Variants in GPBAR1 observed in about 807,000 individuals in gnomAD.
The protein encoded by GPBAR1 is G protein-coupled bile acid receptor 1, also known as G-protein coupled bile acid receptor 1.
In GPBAR1, 13 loss-of-function variants were observed where a neutral mutation model predicts 13.0. The observed-to-expected ratio is 1.00, with a 90% CI of 0.65 to 1.59. GPBAR1 has a LOEUF of 1.59. GPBAR1 is among the 40% of genes most tolerant of loss of function. GPBAR1 has a pLI of 0.00. For missense variants in GPBAR1, 398 were observed against 436.4 expected (o/e 0.91, Z 0.78); for synonymous variants, 193 against 205.2 (o/e 0.94, Z 0.51).
Position 218,263,509 on chromosome 2 carries a change from T to C in GPBAR1, c.785T>C (p.Leu262Pro), listed in dbSNP as rs1308734741. 3 of 1,611,286 alleles carry C rather than the reference T, an allele frequency of 1.9e-6. No homozygotes were observed. The highest frequency in any genetic ancestry group is 1.7e-6 in the Non-Finnish European group (2 of 1,179,096). Residue 262 changes from leucine (L) to proline (P), a missense_variant, in exon 2 of 2, where the codon CTG (leucine) becomes CCG (proline). Coordinates refer to ENST00000519574, the MANE Select transcript of GPBAR1 (RefSeq NM_170699.3). This position sits in a 1 kb window ranked among gnomAD's most constrained non-coding sequence, Gnocchi z 4.2. ...EQRPPLGPGT[L>P]LSLLSLGSAS... Reference sequence around the variant, plus strand: ...CGCCCGCCACTGGGGCCTGGGACACTGTTGTCCCTCCTCTCCCTAGGAAGT... The same window carrying C: ...CGCCCGCCACTGGGGCCTGGGACACCGTTGTCCCTCCTCTCCCTAGGAAGT...
At position 218,262,707 on chromosome 2, in the gene GPBAR1, C is replaced by G. The variant is rs1559489129; in HGVS notation, c.-18C>G. On this transcript the variant is annotated 5_prime_UTR_variant, in exon 2 of 2. Transcript: ENST00000519574. The surrounding 1 kb of genome is among the most constrained non-coding windows in gnomAD (Gnocchi z 5.1). Reference sequence around the variant, plus strand: ...ATGCCGGCTGCCGCTCCAGGACTCCCCTGTCCCCAGGACCAAGATGACGCC... The same window carrying G: ...ATGCCGGCTGCCGCTCCAGGACTCCGCTGTCCCCAGGACCAAGATGACGCC... The G allele has an allele frequency of 5.1e-6, 8 of 1,556,044 alleles. No homozygotes were observed. In the South Asian group the frequency reaches 9.6e-5, roughly 19 times the overall value.
At position 218,262,412 on chromosome 2, in the gene GPBAR1, T is replaced by G. The variant is rs1574604668; in HGVS notation, c.-45-268T>G. On this transcript the variant is annotated intron_variant, in intron 1 of 1. Transcript: ENST00000519574. This position sits in a 1 kb window ranked among gnomAD's most constrained non-coding sequence, Gnocchi z 5.1. Reference sequence around the variant, plus strand: ...CCAGAAATGGATAAAGCTGGCTGGGTGGGGACTGTCCGAAGGGCAGCCAGC... The same window carrying G: ...CCAGAAATGGATAAAGCTGGCTGGGGGGGGACTGTCCGAAGGGCAGCCAGC... 1 of 346,090 alleles carries G rather than the reference T, an allele frequency of 2.9e-6. No homozygotes were observed. Among genetic ancestry groups the G allele is most frequent in the South Asian group, 5.8e-5 (1 of 17,298 alleles). 21.4% of individuals were successfully genotyped at this position (346,090 alleles called of 1,614,324 possible).
At position 218,263,152 on chromosome 2, in the gene GPBAR1, C is replaced by T. The variant is rs1479738108; in HGVS notation, c.428C>T (p.Ala143Val). The T allele has an allele frequency of 1.2e-6, 2 of 1,611,624 alleles. No homozygotes were observed. The highest frequency in any genetic ancestry group is 1.7e-6 in the Non-Finnish European group (2 of 1,179,880). ...AGPLLFASLP[A>V]LGWNHWTPGA... ...CCCCTGCTCTTTGCCAGTCTGCCCG[C>T]TCTGGGGTGGAACCACTGGACCCCT... The change falls in exon 2 of 2, where the codon GCT becomes GTT. Residue 143 changes from alanine to valine, a missense_variant. Coordinates refer to ENST00000519574, the MANE Select transcript of GPBAR1 (RefSeq NM_170699.3). This position sits in a 1 kb window ranked among gnomAD's most constrained non-coding sequence, Gnocchi z 4.2.
rs1690404309 is a variant in GPBAR1 at position 218,261,200 on chromosome 2, C to T, written c.-62C>T. 6.6e-6 allele frequency: 1 copy of T among 152,470 alleles called. No individual in the cohort carries two copies. Among genetic ancestry groups the T allele is most frequent in the South Asian group, 2.1e-4 (1 of 4,840 alleles). The allele number at this position is 152,470 out of a possible 1,614,324, so 9.4% of individuals were successfully genotyped here. On this transcript the variant is annotated 5_prime_UTR_variant, in exon 1 of 2. Coordinates refer to ENST00000519574, the MANE Select transcript of GPBAR1 (RefSeq NM_170699.3). ...AAGGCCCAGGCTGGGCAGGCAATAC[C>T]TGCTCCCAACAGCCATGTGAGTAGC... is the stretch of plus-strand genomic sequence containing the variant.
In GPBAR1 at chr2:218,262,797, G is replaced by A. The variant is rs1559489311; in HGVS notation, c.73G>A (p.Ala25Thr). ...KGALGLSLAL[A>T]SLIITANLLL... ...GGCTTTGGGGCTCTCCCTGGCCCTG[G>A]CAAGCCTCATCATCACCGCGAACCT... Residue 25 changes from alanine to threonine, a missense_variant, in exon 2 of 2, where the codon GCA becomes ACA. Transcript: ENST00000519574. The surrounding 1 kb of genome is among the most constrained non-coding windows in gnomAD (Gnocchi z 5.1). The A allele has an allele frequency of 6.2e-7, 1 of 1,612,596 alleles. No individual in the cohort carries two copies. Among genetic ancestry groups the A allele is most frequent in the Non-Finnish European group, 8.5e-7 (1 of 1,179,404 alleles).
At position 218,262,468 on chromosome 2, in the gene GPBAR1, G is replaced by T. The variant is rs985635693; in HGVS notation, c.-45-212G>T. Reference sequence around the variant, plus strand: ...GCTCCGGCTGGTTGCTACCACACAGGACATATGTGTTGCCAGACCTGAATT... The same window carrying T: ...GCTCCGGCTGGTTGCTACCACACAGTACATATGTGTTGCCAGACCTGAATT... On this transcript the variant is annotated intron_variant, in intron 1 of 1. Transcript: ENST00000519574. This position sits in a 1 kb window ranked among gnomAD's most constrained non-coding sequence, Gnocchi z 5.1. The T allele has an allele frequency of 6.9e-5, 37 of 536,836 alleles. No individual in the cohort carries two copies. The highest frequency in any genetic ancestry group is 1.1e-4 in the Non-Finnish European group (32 of 302,368). The allele number at this position is 536,836 out of a possible 1,614,324, so 33.3% of individuals were successfully genotyped here. A position where few individuals can be genotyped will look rare whatever the true frequency, so the allele number is the denominator to read the frequency against.
chr2:218,263,595 T>C lies in GPBAR1; in HGVS notation c.871T>C (p.Trp291Arg). 3 of 1,612,790 alleles carry C rather than the reference T, an allele frequency of 1.9e-6. No homozygotes were observed. Among genetic ancestry groups the C allele is most frequent in the Non-Finnish European group, 2.5e-6 (3 of 1,179,842 alleles). Reference sequence around the variant, plus strand: ...GGGCGATCAGCGCTACACAGCCCCCTGGAGGGCAGCCGCCCAAAGGTGCCT... The same window carrying C: ...GGGCGATCAGCGCTACACAGCCCCCCGGAGGGCAGCCGCCCAAAGGTGCCT... ...GLGDQRYTAP[W>R]RAAAQRCLQG... Residue 291 changes from tryptophan to arginine, a missense_variant, in exon 2 of 2, where the codon TGG becomes CGG. By Grantham distance (101) the Trp-to-Arg change is moderately radical. Transcript: ENST00000519574. This position sits in a 1 kb window ranked among gnomAD's most constrained non-coding sequence, Gnocchi z 4.2.
chr2:218,262,447 C>G lies in GPBAR1; in HGVS notation c.-45-233C>G. ...CCGAAGGGCAGCCAGCAGTGAGCTC[C>G]GGCTGGTTGCTACCACACAGGACAT... On this transcript the variant is annotated intron_variant, in intron 1 of 1. Coordinates refer to ENST00000519574, the MANE Select transcript of GPBAR1 (RefSeq NM_170699.3). The surrounding 1 kb of genome is among the most constrained non-coding windows in gnomAD (Gnocchi z 5.1). 1 of 441,076 alleles carries G rather than the reference C, an allele frequency of 2.3e-6. No individual in the cohort carries two copies. The highest frequency in any genetic ancestry group is 4.0e-6 in the Non-Finnish European group (1 of 247,536). 27.3% of individuals were successfully genotyped at this position (441,076 alleles called of 1,614,324 possible).
In GPBAR1 at chr2:218,263,117, C is replaced by T. The variant is rs1039057957; in HGVS notation, c.393C>T (p.Thr131=). 6.2e-7 allele frequency: 1 copy of T among 1,612,792 alleles called. No individual in the cohort carries two copies. Among genetic ancestry groups the T allele is most frequent in the Admixed American group, 1.7e-5 (1 of 60,028 alleles). Residue 131 remains threonine (T), a synonymous_variant, in exon 2 of 2, where the codon ACC becomes ACT. Transcript: ENST00000519574. This position sits in a 1 kb window ranked among gnomAD's most constrained non-coding sequence, Gnocchi z 4.2. ...PGSIRLALLL[T]WAGPLLFASL... is the part of the protein sequence containing the mutation. ...GCATTCGGCTGGCCCTGCTCCTCAC[C>T]TGGGCTGGTCCCCTGCTCTTTGCCA... is the stretch of plus-strand genomic sequence containing the variant.
Position 218,263,306 on chromosome 2 carries a change from C to G in GPBAR1, c.582C>G (p.Arg194=). 2 of 1,605,928 alleles carry G rather than the reference C, an allele frequency of 1.2e-6. No homozygotes were observed. Among genetic ancestry groups the G allele is most frequent in the South Asian group, 1.1e-5 (1 of 90,960 alleles). ...TCCGCGTGCTGGCCACTGCCCACCG[C>G]CAGCTGCAGGACATCTGCCGGCTGG... is the stretch of plus-strand genomic sequence containing the variant. ...LSVRVLATAH[R]QLQDICRLER... Residue 194 remains arginine, a synonymous_variant, in exon 2 of 2, where the codon CGC becomes CGG. Transcript: ENST00000519574. The surrounding 1 kb of genome is among the most constrained non-coding windows in gnomAD (Gnocchi z 4.2).
chr2:218,263,827 C>T lies in GPBAR1; in HGVS notation c.*110C>T. 7.8e-7 allele frequency: 1 copy of T among 1,278,666 alleles called. No individual in the cohort carries two copies. The highest frequency in any genetic ancestry group is 1.1e-6 in the Non-Finnish European group (1 of 883,518). The allele number at this position is 1,278,666 out of a possible 1,614,324, so 79.2% of individuals were successfully genotyped here. A position where few individuals can be genotyped will look rare whatever the true frequency, so the allele number is the denominator to read the frequency against. ...TCAGAGACCCTGCCTCTGTTTGACC[C>T]CGCACTGACTGAATAAAGCTCCTCT... On this transcript the variant is annotated 3_prime_UTR_variant, in exon 2 of 2. Coordinates refer to ENST00000519574, the MANE Select transcript of GPBAR1 (RefSeq NM_170699.3). The surrounding 1 kb of genome is among the most constrained non-coding windows in gnomAD (Gnocchi z 4.2).
At chr2:218,261,530 A>G (rs1214787481) in intron 1 of GPBAR1, among the ~76,000 whole-genome samples, 2 of 152,180 alleles carry the variant, frequency 1.3e-5, no homozygotes, top group Non-Finnish European at 1.5e-5. Context: ...AGAGAGGAAA[A>G]GACATCCTGG....
chr2:218,262,652 T>C lies in GPBAR1; in HGVS notation c.-45-28T>C. 1 of 1,444,610 alleles carries C rather than the reference T, an allele frequency of 6.9e-7. No individual in the cohort carries two copies. Among genetic ancestry groups the C allele is most frequent in the Non-Finnish European group, 9.1e-7 (1 of 1,095,546 alleles). 89.5% of individuals were successfully genotyped at this position (1,444,610 alleles called of 1,614,324 possible). ...CAGGAGGACACGACCTGCAGCCCCA[T>C]CCTAACTCTGGCCACCCCATCCTGC... On this transcript the variant is annotated intron_variant, in intron 1 of 1. Coordinates refer to ENST00000519574, the MANE Select transcript of GPBAR1 (RefSeq NM_170699.3). The surrounding 1 kb of genome is among the most constrained non-coding windows in gnomAD (Gnocchi z 5.1).
rs1318246886 is a variant in GPBAR1, at chr2:218,262,774, C to T, written c.50C>T (p.Ala17Val). 1.9e-6 allele frequency: 3 copies of T among 1,610,546 alleles called. No individual in the cohort carries two copies. The highest frequency in any genetic ancestry group is 4.5e-5 in the East Asian group (2 of 44,730). ...GEVPSPIPKG[A>V]LGLSLALASL... Reference sequence around the variant, plus strand: ...GTGCCCAGCCCCATTCCCAAGGGGGCTTTGGGGCTCTCCCTGGCCCTGGCA... The same window carrying T: ...GTGCCCAGCCCCATTCCCAAGGGGGTTTTGGGGCTCTCCCTGGCCCTGGCA... Residue 17 changes from alanine (A) to valine (V), a missense_variant, in exon 2 of 2, where the codon GCT (alanine) becomes GTT (valine). Coordinates refer to ENST00000519574, the MANE Select transcript of GPBAR1 (RefSeq NM_170699.3). This position sits in a 1 kb window ranked among gnomAD's most constrained non-coding sequence, Gnocchi z 5.1.
At chr2:218,261,815 C>T (rs958267952) in intron 1 of GPBAR1, among the ~76,000 whole-genome samples, 4 of 152,132 alleles carry the variant, frequency 2.6e-5, no homozygotes, top group African/African-American at 9.7e-5. Context: ...GACCCAGGAC[C>T]CCTCCCCCTG....
chr2:218,263,834 G>A lies in GPBAR1; in HGVS notation c.*117G>A. On this transcript the variant is annotated 3_prime_UTR_variant, in exon 2 of 2. Coordinates refer to ENST00000519574, the MANE Select transcript of GPBAR1 (RefSeq NM_170699.3). This position sits in a 1 kb window ranked among gnomAD's most constrained non-coding sequence, Gnocchi z 4.2. Reference sequence around the variant, plus strand: ...CCCTGCCTCTGTTTGACCCCGCACTGACTGAATAAAGCTCCTCTGGCCGTT... The same window carrying A: ...CCCTGCCTCTGTTTGACCCCGCACTAACTGAATAAAGCTCCTCTGGCCGTT... 8.2e-7 allele frequency: 1 copy of A among 1,225,128 alleles called. No individual in the cohort carries two copies. Among genetic ancestry groups the A allele is most frequent in the Non-Finnish European group, 1.2e-6 (1 of 838,428 alleles). The allele number at this position is 1,225,128 out of a possible 1,614,324, so 75.9% of individuals were successfully genotyped here. A position where few individuals can be genotyped will look rare whatever the true frequency, so the allele number is the denominator to read the frequency against.
In GPBAR1 at chr2:218,262,651, A is replaced by T; in HGVS notation, c.-45-29A>T. On this transcript the variant is annotated intron_variant, in intron 1 of 1. Transcript: ENST00000519574. The surrounding 1 kb of genome is among the most constrained non-coding windows in gnomAD (Gnocchi z 5.1). ...CCAGGAGGACACGACCTGCAGCCCCATCCTAACTCTGGCCACCCCATCCTG... is the reference window on the plus strand; with the variant it reads ...CCAGGAGGACACGACCTGCAGCCCCTTCCTAACTCTGGCCACCCCATCCTG... The T allele has an allele frequency of 7.0e-7, 1 of 1,437,282 alleles. No homozygotes were observed. Among genetic ancestry groups the T allele is most frequent in the Non-Finnish European group, 9.2e-7 (1 of 1,089,920 alleles). The allele number at this position is 1,437,282 out of a possible 1,614,324, so 89.0% of individuals were successfully genotyped here. A position where few individuals can be genotyped will look rare whatever the true frequency, so the allele number is the denominator to read the frequency against.
At chr2:218,260,035 C>T (rs1690373692), upstream of GPBAR1, 1 of 152,280 alleles carries the variant, frequency 6.6e-6, no homozygotes, top group South Asian at 2.1e-4. Context: ...ATGCGCCCCT[C>T]TCAGCAGATC....
Position 218,262,438 on chromosome 2 carries a change from A to G in GPBAR1, c.-45-242A>G. The G allele has an allele frequency of 7.0e-6, 3 of 426,588 alleles. No individual in the cohort carries two copies. The highest frequency in any genetic ancestry group is 1.3e-5 in the Non-Finnish European group (3 of 238,758). 26.4% of individuals were successfully genotyped at this position (426,588 alleles called of 1,614,324 possible). The stretch of plus-strand genomic sequence containing the variant: ...GGGGACTGTCCGAAGGGCAGCCAGC[A>G]GTGAGCTCCGGCTGGTTGCTACCAC... On this transcript the variant is annotated intron_variant, in intron 1 of 1. Transcript: ENST00000519574. This position sits in a 1 kb window ranked among gnomAD's most constrained non-coding sequence, Gnocchi z 5.1.
Sources: gnomAD v4.1 joint callset for allele counts (sites outside exome capture counted in the v4.1 genomes callset) on GRCh38, gnomAD v4.1.1 for gene constraint, Gnocchi (gnomAD v3.1) non-coding constraint, MANE v1.5 for transcripts, NCBI Gene and HGNC (gene_info 2026-07-23, HGNC 2026-07-21) for gene names.